Variants in TNFSF4 observed in about 807,000 individuals in gnomAD.
TNFSF4 encodes TNF superfamily member 4.
TNFSF4 carries 4 observed loss-of-function variants against 7.3 expected under a neutral mutation model. The observed-to-expected ratio is 0.55, with a 90% CI of 0.27 to 1.25. TNFSF4 has a LOEUF of 1.25. Among genes scored for constraint, TNFSF4 ranks in the 50% most tolerant of loss-of-function variants. TNFSF4 has a pLI of 0.12. For synonymous variants in TNFSF4, 76 were observed against 83.7 expected (o/e 0.91, Z 0.50); for missense variants, 181 against 208.8 (o/e 0.87, Z 0.82).
the TNFSF4 span, among the ~76,000 whole-genome samples, chr1:173,372,825 G>A: frequency 3.3e-5 from 5 of 152,184 alleles, no homozygotes; most frequent in Non-Finnish European, 7.3e-5. Context: ...CAAGCATGAC[G>A]GACAACAAAT....
the TNFSF4 span, among the ~76,000 whole-genome samples, chr1:173,255,412 C>T: frequency 6.6e-6 from 1 of 152,160 alleles, no homozygotes; most frequent in African/African-American, 2.4e-5. Context: ...GCTCAAGGCT[C>T]CTTCTCCCCA....
chr1:173,426,146 A>T, the TNFSF4 span, among the ~76,000 whole-genome samples: 2 of 152,202 alleles, frequency 1.3e-5, no homozygotes, highest in East Asian at 3.8e-4. Flanking sequence ...GTCAACTCTA[A>T]CGTTCCTTCC....
the TNFSF4 span, among the ~76,000 whole-genome samples, chr1:173,316,864 C>T: frequency 6.6e-6 from 1 of 152,032 alleles, no homozygotes; most frequent in Non-Finnish European, 1.5e-5. Context: ...GAGATTTTCT[C>T]CCATGTTTTC....
chr1:173,199,072 A>G (rs570510791), intron 1 of TNFSF4, among the ~76,000 whole-genome samples: 1 of 152,322 alleles, frequency 6.6e-6, no homozygotes, highest in African/African-American at 2.4e-5. Context: ...GAAACTTCTT[A>G]CTGAAGAACC....
At chr1:173,445,473 T>C in the TNFSF4 span, among the ~76,000 whole-genome samples, 7 of 152,144 alleles carry the variant, frequency 4.6e-5, no homozygotes, top group African/African-American at 1.7e-4. Context: ...CCTCCCCCAT[T>C]TTCACAGCTT....
the TNFSF4 span, among the ~76,000 whole-genome samples, chr1:173,293,392 G>A: frequency 6.6e-6 from 1 of 152,044 alleles, no homozygotes; most frequent in Non-Finnish European, 1.5e-5. Context: ...TCAATAAATG[G>A]TGCTGGGATT....
chr1:173,332,294 G>C, the TNFSF4 span, among the ~76,000 whole-genome samples: 1 of 152,158 alleles, frequency 6.6e-6, no homozygotes, highest in Non-Finnish European at 1.5e-5. Context: ...TGCTGCACAA[G>C]GGCTGAGGGG....
chr1:173,214,719 C>A, the TNFSF4 span, among the ~76,000 whole-genome samples: 1 of 152,222 alleles, frequency 6.6e-6, no homozygotes, highest in East Asian at 1.9e-4. Flanking sequence ...TAGATCTTTT[C>A]TTTTCAGATT....
At chr1:173,383,267 C>CT in the TNFSF4 span, among the ~76,000 whole-genome samples, 1 of 152,168 alleles carries the variant, frequency 6.6e-6, no homozygotes. Context: ...GGTTGAAAAA[C>CT]TGTCTACATA....
chr1:173,223,770 G>A, the TNFSF4 span, among the ~76,000 whole-genome samples: 6 of 152,104 alleles, frequency 3.9e-5, no homozygotes, highest in African/African-American at 7.2e-5. Flanking sequence ...CAATTCAAAC[G>A]AGTAGGAAAG....
rs1557875623 is a variant in TNFSF4, at chr1:173,184,000, A to ATT, written c.*2515_*2516insAA. 1 of 152,202 alleles carries ATT rather than the reference A, an allele frequency of 6.6e-6. No individual in the cohort carries two copies. Among genetic ancestry groups the ATT allele is most frequent in the Non-Finnish European group, 1.5e-5 (1 of 68,038 alleles). The allele number at this position is 152,202 out of a possible 1,614,324, so 9.4% of individuals were successfully genotyped here. On this transcript the variant is annotated 3_prime_UTR_variant, in exon 3 of 3. Transcript: ENST00000281834. ...GGACTCACAAAGATGGCTGAGGAAG[A>ATT]TGTAAGCTTGTCCAGAAAAAAATAC...
At chr1:173,395,926 C>G in the TNFSF4 span, among the ~76,000 whole-genome samples, 1 of 152,102 alleles carries the variant, frequency 6.6e-6, no homozygotes, top group Non-Finnish European at 1.5e-5. Flanking sequence ...TACCCACCCC[C>G]AGTGGGAGTG....
the TNFSF4 span, among the ~76,000 whole-genome samples, chr1:173,444,476 G>T: frequency 6.6e-6 from 1 of 151,402 alleles, no homozygotes; most frequent in African/African-American, 2.4e-5. Flanking sequence ...AACATTAAGT[G>T]CTTCTCTTTG....
At chr1:173,411,783 AGAGT>A in the TNFSF4 span, among the ~76,000 whole-genome samples, 2 of 119,076 alleles carry the variant, frequency 1.7e-5, no homozygotes, top group African/African-American at 5.3e-5. Context: ...GCCTGGCCAA[AGAGT>A]GAGACTCTCT....
chr1:173,383,855 G>T, the TNFSF4 span, among the ~76,000 whole-genome samples: 1 of 152,066 alleles, frequency 6.6e-6, no homozygotes, highest in Non-Finnish European at 1.5e-5. Context: ...GTTTCCAACC[G>T]TATAAAATGA....
At chr1:173,398,418 T>TC in the TNFSF4 span, among the ~76,000 whole-genome samples, 1 of 148,498 alleles carries the variant, frequency 6.7e-6, no homozygotes, top group Non-Finnish European at 1.5e-5. Context: ...TCTTTTTTTT[T>TC]TTTTTTTTTT....
At chr1:173,311,073 C>A in the TNFSF4 span, among the ~76,000 whole-genome samples, 11 of 151,906 alleles carry the variant, frequency 7.2e-5, no homozygotes, top group Admixed American at 2.6e-4. Context: ...AACTAATAAT[C>A]TCTGTATATT....
At chr1:173,337,793 G>A in the TNFSF4 span, among the ~76,000 whole-genome samples, 2 of 152,316 alleles carry the variant, frequency 1.3e-5, no homozygotes, top group Middle Eastern at 6.8e-3. Flanking sequence ...GAACTTGGAA[G>A]AAACATGATT....
intron 1 of TNFSF4, among the ~76,000 whole-genome samples, chr1:173,202,330 C>T (rs1435226751): frequency 6.6e-6 from 1 of 152,178 alleles, no homozygotes. Context: ...CCAAATTATT[C>T]TGTCCTATTT....
Sources: gnomAD v4.1 joint callset for allele counts (sites outside exome capture counted in the v4.1 genomes callset) on GRCh38, gnomAD v4.1.1 for gene constraint, MANE v1.5 for transcripts, NCBI Gene and HGNC (gene_info 2026-07-23, HGNC 2026-07-21) for gene names.